Variants in LMO7 observed in about 807,000 individuals in gnomAD.
LMO7 encodes the protein LIM domain 7.
Under a neutral mutation model 206.5 loss-of-function variants are expected in LMO7, and 120 were observed. That is an observed-to-expected ratio of 0.58 (90% confidence interval 0.50 to 0.68). The LOEUF (loss-of-function observed/expected upper bound fraction) is 0.68. Among genes scored for constraint, LMO7 ranks in the 30% least tolerant of loss-of-function variants. The pLI is 0.00. For synonymous variants in LMO7, 706 were observed against 681.5 expected, an observed-to-expected ratio of 1.04 and a Z score of -0.56; for missense variants, 1,959 against 1,957.9, an observed-to-expected ratio of 1.00 and a Z score of -0.01.
chr13:75,821,155 T>C, intron 13 of LMO7, 22 bp from the exon 14 acceptor site: 3 of 1,555,668 alleles, frequency 1.9e-6, no homozygotes, highest in Non-Finnish European at 2.6e-6. Context: ...TTTGTGGTGA[T>C]GGTGCATTTC....
chr13:75,760,792 T>C (rs2048121437), intron 3 of LMO7, 140 bp from the exon 4 acceptor site: 3 of 1,543,060 alleles, frequency 1.9e-6, no homozygotes, highest in Non-Finnish European at 1.7e-6. Flanking sequence ...TTTTCAAATA[T>C]ACATATGCAT....
intron 4 of LMO7, among the ~76,000 whole-genome samples, chr13:75,784,216 G>A (rs1446006941): frequency 1.3e-5 from 2 of 152,240 alleles, no homozygotes; most frequent in African/African-American, 4.8e-5. Flanking sequence ...TAATATTGCC[G>A]AGGTTGAGAA....
At chr13:75,693,839 T>G (rs1156271169) in intron 1 of LMO7, among the ~76,000 whole-genome samples, 1 of 152,162 alleles carries the variant, frequency 6.6e-6, no homozygotes, top group Admixed American at 6.5e-5. Flanking sequence ...TGTGACTGCC[T>G]TCTGTGGTTG....
At chr13:75,711,377 C>T (rs2043106568) in intron 1 of LMO7, among the ~76,000 whole-genome samples, 1 of 152,160 alleles carries the variant, frequency 6.6e-6, no homozygotes, top group Non-Finnish European at 1.5e-5. Context: ...AGGAATGGTA[C>T]CAGCTCCTCC....
chr13:75,727,007 T>G, intron 2 of LMO7, 22 bp from the exon 3 acceptor site: 1 of 1,349,888 alleles, frequency 7.4e-7, no homozygotes, highest in Middle Eastern at 2.0e-4. Context: ...TGTAATTGCA[T>G]CTGTTATTTA....
intron 4 of LMO7, among the ~76,000 whole-genome samples, chr13:75,786,494 C>T (rs2140456295): frequency 6.6e-6 from 1 of 152,098 alleles, no homozygotes; most frequent in South Asian, 2.1e-4. Flanking sequence ...CCTGCCTCAG[C>T]CTCCCGAGTA....
At chr13:75,830,948 C>T (rs999822584) in intron 15 of LMO7, among the ~76,000 whole-genome samples, 1 of 151,934 alleles carries the variant, frequency 6.6e-6, no homozygotes, top group Non-Finnish European at 1.5e-5. Flanking sequence ...TGTCTCTCTT[C>T]CTTATATAGC....
chr13:75,748,910 C>T (rs1359698511), intron 3 of LMO7, among the ~76,000 whole-genome samples: 1 of 151,514 alleles, frequency 6.6e-6, no homozygotes, highest in Non-Finnish European at 1.5e-5. Flanking sequence ...TCCTGGGCTC[C>T]CAGTGATCCT....
chr13:75,748,142 C>T (rs974579225), intron 3 of LMO7, among the ~76,000 whole-genome samples: 22 of 152,216 alleles, frequency 1.4e-4, no homozygotes, highest in African/African-American at 4.6e-4. Flanking sequence ...GGATTCTCTC[C>T]TAAAAGGTGT....
At chr13:75,728,460 T>C (rs1295197025) in intron 3 of LMO7, among the ~76,000 whole-genome samples, 2 of 130,252 alleles carry the variant, frequency 1.5e-5, no homozygotes, top group East Asian at 5.1e-4. Context: ...CGCCCACTTT[T>C]TGATGGGGTT....
chr13:75,840,592 A>G, intron 22 of LMO7, 97 bp downstream of exon 22: 1 of 1,378,144 alleles, frequency 7.3e-7, no homozygotes, highest in East Asian at 2.5e-5. Context: ...TTTAAACGCA[A>G]CAATCTCACA....
At chr13:75,829,051 A>G (rs2058396434) in intron 15 of LMO7, among the ~76,000 whole-genome samples, 1 of 152,164 alleles carries the variant, frequency 6.6e-6, no homozygotes, top group Non-Finnish European at 1.5e-5. Context: ...GTTTGGGCGG[A>G]AGATAATGAA....
At chr13:75,812,474 A>G (rs773885902) in intron 11 of LMO7, among the ~76,000 whole-genome samples, 2 of 152,172 alleles carry the variant, frequency 1.3e-5, no homozygotes, top group African/African-American at 2.4e-5. Flanking sequence ...TGTTTGCCGT[A>G]TAAGGCTATC....
At chr13:75,703,152 TC>T (rs959055694) in intron 1 of LMO7, among the ~76,000 whole-genome samples, 2 of 152,016 alleles carry the variant, frequency 1.3e-5, no homozygotes, top group African/African-American at 4.8e-5. Context: ...AACTCCCTCA[TC>T]CCCCCCAACA....
intron 25 of LMO7, among the ~76,000 whole-genome samples, chr13:75,844,402 CT>C (rs1320846162): frequency 1.3e-5 from 2 of 149,300 alleles, no homozygotes; most frequent in African/African-American, 4.9e-5. Flanking sequence ...TTTTCTTTTT[CT>C]TTTGTTTTTT....
At chr13:75,661,060 A>G (rs2038545132) in intron 1 of LMO7, among the ~76,000 whole-genome samples, 1 of 152,228 alleles carries the variant, frequency 6.6e-6, no homozygotes, top group Non-Finnish European at 1.5e-5. Flanking sequence ...AGAAGTTTTA[A>G]TAATTATCTC....
intron 3 of LMO7, among the ~76,000 whole-genome samples, chr13:75,748,815 C>T (rs200259342): frequency 0.041 from 5,836 of 142,910 alleles, 219 homozygotes; most frequent in South Asian, 0.18. Flanking sequence ...TTCTTTCTTT[C>T]TTTTTTTTTT....
intron 3 of LMO7, among the ~76,000 whole-genome samples, chr13:75,743,630 A>G (rs561130751): frequency 2.6e-5 from 4 of 152,326 alleles, no homozygotes; most frequent in South Asian, 2.1e-4. Context: ...GTTCTCACAT[A>G]TAAGTGGGAG....
intron 1 of LMO7, among the ~76,000 whole-genome samples, chr13:75,647,951 CTTTTT>C (rs570513211): frequency 3.3e-5 from 3 of 91,148 alleles, no homozygotes; most frequent in East Asian, 3.8e-4. Flanking sequence ...TCTTTTCTTT[CTTTTT>C]TTTTTTTTTT....
Sources: gnomAD v4.1 joint callset for allele counts (sites outside exome capture counted in the v4.1 genomes callset) on GRCh38, gnomAD v4.1.1 for gene constraint, MANE v1.5 for transcripts, NCBI Gene and HGNC (gene_info 2026-07-23, HGNC 2026-07-21) for gene names.